PPP4R3B: variants seen among roughly 807,000 people sequenced by gnomAD.
PPP4R3B encodes the protein protein phosphatase 4 regulatory subunit 3B, also known as serine/threonine-protein phosphatase 4 regulatory subunit 3B.
PPP4R3B carries 52 observed loss-of-function variants against 95.4 expected under a neutral mutation model. That is an observed-to-expected ratio of 0.54 (90% CI 0.44 to 0.69). PPP4R3B has a LOEUF of 0.69. PPP4R3B is among the 30% of genes least tolerant of loss of function. PPP4R3B has a pLI of 0.00. For synonymous variants in PPP4R3B, 407 were observed against 343.9 expected, an observed-to-expected ratio of 1.18 and a Z score of -2.03; for missense variants, 1,003 against 1,005.9, an observed-to-expected ratio of 1.00 and a Z score of 0.04.
At chr2:55,573,799 T>C (rs909671500) in intron 11 of PPP4R3B, 22 bp from the exon 12 acceptor site, 2 of 1,427,438 alleles carry the variant, frequency 1.4e-6, no homozygotes, top group African/African-American at 1.5e-5. Context: ...AGTAATCTCA[T>C]GAAAATAAAT....
intron 2 of PPP4R3B, among the ~76,000 whole-genome samples, chr2:55,605,996 T>C (rs1048912158): frequency 6.6e-6 from 1 of 151,256 alleles, no homozygotes; most frequent in African/African-American, 2.4e-5. Flanking sequence ...GAAACCCTTC[T>C]ACAAACAAAA....
At chr2:55,579,848 G>A in intron 8 of PPP4R3B, 67 bp from the exon 9 acceptor site, 1 of 943,838 alleles carries the variant, frequency 1.1e-6, no homozygotes, top group Non-Finnish European at 1.6e-6. Context: ...AAGATTAGCA[G>A]TACATACCTT....
At chr2:55,594,221 G>A (rs1229045941) in intron 4 of PPP4R3B, among the ~76,000 whole-genome samples, 1 of 151,364 alleles carries the variant, frequency 6.6e-6, no homozygotes, top group Non-Finnish European at 1.5e-5. Flanking sequence ...ACGGTGATGG[G>A]TACACTAGAA....
chr2:55,549,036 T>C lies in PPP4R3B; in HGVS notation c.*875A>G, dbSNP rs1684974152. The C allele has an allele frequency of 1.3e-5, 2 of 152,454 alleles. No individual in the cohort carries two copies. The highest frequency in any genetic ancestry group is 4.8e-5 in the African/African-American group (2 of 41,436). 9.4% of individuals were successfully genotyped at this position (152,454 alleles called of 1,614,324 possible). A position where few individuals can be genotyped will look rare whatever the true frequency, so the allele number is the denominator to read the frequency against. On this transcript the variant is annotated 3_prime_UTR_variant, in exon 17 of 17. Transcript: ENST00000616407. ...ACTATTCTTGGTTGGTCTGTATAAG[T>C]AACACTTTAAAACTTGCAGCTCTGG... is the stretch of plus-strand genomic sequence containing the variant.
chr2:55,609,391 C>T (rs1297075884), intron 2 of PPP4R3B, among the ~76,000 whole-genome samples: 1 of 152,070 alleles, frequency 6.6e-6, no homozygotes, highest in Non-Finnish European at 1.5e-5. Context: ...ATTTTAAGAC[C>T]TTTTCATGGG....
intron 13 of PPP4R3B, chr2:55,565,814 C>T (rs1280366369): frequency 5.6e-6 from 1 of 177,046 alleles, no homozygotes; most frequent in East Asian, 1.3e-4. Context: ...AGATCTCTCT[C>T]AAGCCTTTCC....
At chr2:55,613,983 G>A (rs1036490864) in intron 2 of PPP4R3B, among the ~76,000 whole-genome samples, 1 of 152,076 alleles carries the variant, frequency 6.6e-6, no homozygotes, top group African/African-American at 2.4e-5. Context: ...TAAGGTATAG[G>A]AAACATCTTC....
intron 4 of PPP4R3B, among the ~76,000 whole-genome samples, chr2:55,598,038 T>C (rs1692042795): frequency 6.6e-6 from 1 of 151,794 alleles, no homozygotes; most frequent in Admixed American, 6.6e-5. Context: ...GGCAACACAG[T>C]GAAACCCCTT....
At chr2:55,613,074 G>A (rs1694400462) in intron 2 of PPP4R3B, among the ~76,000 whole-genome samples, 1 of 152,076 alleles carries the variant, frequency 6.6e-6, no homozygotes. Context: ...TCAAACCACT[G>A]TACTCCAGCC....
intron 3 of PPP4R3B, among the ~76,000 whole-genome samples, chr2:55,600,515 T>C (rs930617903): frequency 2.0e-5 from 3 of 148,890 alleles, no homozygotes; most frequent in African/African-American, 7.4e-5. Context: ...AAATTGAAAT[T>C]GTCCTTTCAA....
At chr2:55,584,579 G>C (rs1158970459) in intron 7 of PPP4R3B, among the ~76,000 whole-genome samples, 1 of 152,068 alleles carries the variant, frequency 6.6e-6, no homozygotes, top group Non-Finnish European at 1.5e-5. Flanking sequence ...TCTCACTTAT[G>C]AGTTGAGAAC....
At chr2:55,580,184 TATA>T (rs1689261790) in intron 8 of PPP4R3B, among the ~76,000 whole-genome samples, 1 of 152,150 alleles carries the variant, frequency 6.6e-6, no homozygotes, top group African/African-American at 2.4e-5. Flanking sequence ...GTACAACATA[TATA>T]ATAACAACAT....
chr2:55,601,503 C>G (rs1417328045), intron 3 of PPP4R3B, among the ~76,000 whole-genome samples: 1 of 152,042 alleles, frequency 6.6e-6, no homozygotes, highest in African/African-American at 2.4e-5. Context: ...GCCTCAGCCT[C>G]CCAAGTAGCT....
intron 4 of PPP4R3B, among the ~76,000 whole-genome samples, chr2:55,594,830 C>G (rs1361107501): frequency 6.6e-6 from 1 of 152,042 alleles, no homozygotes; most frequent in African/African-American, 2.4e-5. Context: ...TCTAACCTCC[C>G]CCACACTCAT....
intron 7 of PPP4R3B, among the ~76,000 whole-genome samples, chr2:55,582,853 A>G (rs59822040): frequency 0.03 from 4,540 of 152,278 alleles, 233 homozygotes; most frequent in African/African-American, 0.1. Flanking sequence ...AGTAATAACT[A>G]TATTACTCAT....
intron 16 of PPP4R3B, among the ~76,000 whole-genome samples, chr2:55,552,113 C>T (rs1336693012): frequency 6.6e-6 from 1 of 152,092 alleles, no homozygotes; most frequent in Non-Finnish European, 1.5e-5. Flanking sequence ...TTGAGTTTTA[C>T]TTATATTATC....
intron 10 of PPP4R3B, among the ~76,000 whole-genome samples, chr2:55,577,607 G>C (rs1014794636): frequency 3.3e-5 from 5 of 152,046 alleles, no homozygotes; most frequent in African/African-American, 1.2e-4. Context: ...ATTACAACCA[G>C]AGATAAAACT....
At chr2:55,599,368 G>A (rs563414961) in intron 3 of PPP4R3B, among the ~76,000 whole-genome samples, 22 of 152,302 alleles carry the variant, frequency 1.4e-4, no homozygotes, top group African/African-American at 3.1e-4. Context: ...AACCTGGAAG[G>A]TGGAGGTTGC....
chr2:55,588,787 A>G (rs977287557), intron 5 of PPP4R3B, 92 bp downstream of exon 5: 97 of 695,608 alleles, frequency 1.4e-4, no homozygotes, highest in Non-Finnish European at 2.2e-4. Context: ...ATCTAATTAC[A>G]AAAAATTGTC....
Sources: allele counts gnomAD v4.1 joint callset (sites outside exome capture counted in the v4.1 genomes callset), GRCh38; gene constraint gnomAD v4.1.1; transcripts MANE v1.5; gene names NCBI Gene and HGNC (gene_info 2026-07-23, HGNC 2026-07-21).